The following NEGR1 variants were observed in gnomAD, a reference collection of about 807,000 sequenced individuals.
NEGR1 encodes the protein neuronal growth regulator 1, also known as IgLON family member 4.
Under a neutral mutation model 40.9 loss-of-function variants are expected in NEGR1, and 10 were observed. The ratio of observed to expected loss-of-function variants is 0.24; its 90% CI spans 0.15 to 0.42. The LOEUF (loss-of-function observed/expected upper bound fraction) is 0.42. NEGR1 is among the 10% of genes least tolerant of loss of function. The pLI is 1.00. For synonymous variants in NEGR1, 185 were observed against 166.8 expected, an observed-to-expected ratio of 1.11 and a Z score of -0.84; for missense variants, 352 against 438.9, an observed-to-expected ratio of 0.80 and a Z score of 1.77.
At chr1:72,174,092 A>T (rs187648135) in intron 1 of NEGR1, among the ~76,000 whole-genome samples, 27 of 151,840 alleles carry the variant, frequency 1.8e-4, no homozygotes, top group East Asian at 7.7e-4. Context: ...TGTTTTTTTT[A>T]AAAAAACTGT....
chr1:71,817,470 C>T (rs183257165), intron 2 of NEGR1, among the ~76,000 whole-genome samples: 5 of 152,152 alleles, frequency 3.3e-5, no homozygotes, highest in East Asian at 1.9e-4. Context: ...CTTTCATAGG[C>T]GCTATTCCCT....
chr1:72,148,670 A>G (rs1439408791), intron 1 of NEGR1, among the ~76,000 whole-genome samples: 2 of 152,180 alleles, frequency 1.3e-5, no homozygotes, highest in South Asian at 2.1e-4. Context: ...CTTCCGCCAG[A>G]TACCCTAAAT....
intron 3 of NEGR1, among the ~76,000 whole-genome samples, chr1:71,754,979 C>A (rs1655684838): frequency 6.6e-6 from 1 of 152,126 alleles, no homozygotes; most frequent in Non-Finnish European, 1.5e-5. Flanking sequence ...ATTCATGATT[C>A]CAAGTTTCAT....
chr1:71,979,068 G>A (rs1226500658), intron 1 of NEGR1, among the ~76,000 whole-genome samples: 2 of 152,120 alleles, frequency 1.3e-5, no homozygotes, highest in African/African-American at 4.8e-5. Context: ...GAACATGAAT[G>A]GAGCTGGAGG....
chr1:72,075,222 T>G (rs1647671680), intron 1 of NEGR1, among the ~76,000 whole-genome samples: 1 of 152,208 alleles, frequency 6.6e-6, no homozygotes, highest in African/African-American at 2.4e-5. Context: ...ATTAAAGTTT[T>G]GAAAATATAC....
chr1:71,601,711 A>G (rs1050709710), intron 5 of NEGR1, among the ~76,000 whole-genome samples: 2 of 152,220 alleles, frequency 1.3e-5, no homozygotes, highest in African/African-American at 4.8e-5. Context: ...TCAGAAACAG[A>G]AAATCGAATA....
intron 4 of NEGR1, among the ~76,000 whole-genome samples, chr1:71,671,893 C>CTTTTTTTTTTTT (rs10708807): frequency 1.6e-5 from 2 of 121,582 alleles, no homozygotes; most frequent in Non-Finnish European, 1.7e-5. Flanking sequence ...CTCTCTCTCT[C>CTTTTTTTTTTTT]TTTTTTTTTT....
At chr1:71,561,428 G>A (rs1010179365) in intron 6 of NEGR1, among the ~76,000 whole-genome samples, 1 of 151,346 alleles carries the variant, frequency 6.6e-6, no homozygotes, top group Admixed American at 6.6e-5. Flanking sequence ...ATTTTTTTTG[G>A]CACTCACTAG....
At chr1:72,107,324 A>G (rs1649175501) in intron 1 of NEGR1, among the ~76,000 whole-genome samples, 1 of 151,754 alleles carries the variant, frequency 6.6e-6, no homozygotes, top group African/African-American at 2.4e-5. Context: ...CTACTGGAGT[A>G]TAAGGTCTTA....
rs890508230 is a variant in NEGR1, at chr1:71,479,839, C to T, written c.941-72269G>A. On this transcript the variant is annotated intron_variant, in intron 6 of 6. Coordinates refer to ENST00000357731, the MANE Select transcript of NEGR1 (RefSeq NM_173808.3). ...ATATTGTTATCGATTTTGTTATCTA[C>T]TGTGGTGTTGTTGCTTATTAAAGTT... Among the ~76,000 whole-genome samples, 3 of 151,896 alleles carry T rather than the reference C, an allele frequency of 2.0e-5. 1 individual carries two copies. Among genetic ancestry groups the T allele is most frequent in the East Asian group, 3.9e-4 (2 of 5,168 alleles).
At chr1:71,748,560 CAT>C (rs2101684625) in intron 3 of NEGR1, among the ~76,000 whole-genome samples, 1 of 152,116 alleles carries the variant, frequency 6.6e-6, no homozygotes, top group East Asian at 1.9e-4. Context: ...CTGAAGAAAA[CAT>C]ATAAAAAGTT....
chr1:72,030,316 C>T (rs990610780), intron 1 of NEGR1, among the ~76,000 whole-genome samples: 2 of 151,926 alleles, frequency 1.3e-5, no homozygotes, highest in Admixed American at 6.6e-5. Flanking sequence ...AAATGATTCT[C>T]GTGCCTCAGC....
chr1:71,543,366 G>A (rs1329461079), intron 6 of NEGR1, among the ~76,000 whole-genome samples: 3 of 151,558 alleles, frequency 2.0e-5, no homozygotes, highest in South Asian at 4.1e-4. Flanking sequence ...GTTCTATTAC[G>A]AAGTGCCAAT....
chr1:71,674,007 T>C (rs1652525630), intron 4 of NEGR1, among the ~76,000 whole-genome samples: 1 of 152,156 alleles, frequency 6.6e-6, no homozygotes, highest in Non-Finnish European at 1.5e-5. Context: ...AGAATACAAC[T>C]GTTGGTATTT....
At chr1:71,463,427 AAC>A (rs1646726538) in intron 6 of NEGR1, 1 of 152,094 alleles carries the variant, frequency 6.6e-6, no homozygotes, top group Admixed American at 6.6e-5. Flanking sequence ...GTCACGTTTG[AAC>A]AGATACCTTT....
intron 1 of NEGR1, among the ~76,000 whole-genome samples, chr1:72,038,103 G>A (rs570201881): frequency 6.6e-6 from 1 of 152,040 alleles, no homozygotes; most frequent in African/African-American, 2.4e-5. Flanking sequence ...AGGCTTAAAA[G>A]GTTTAAAGCC....
At chr1:71,609,588 TA>T (rs1252193022) in intron 5 of NEGR1, among the ~76,000 whole-genome samples, 1 of 142,554 alleles carries the variant, frequency 7.0e-6, no homozygotes, top group Non-Finnish European at 1.5e-5. Context: ...TATTATCCCT[TA>T]TTATTAAGGT....
chr1:71,626,368 G>A (rs1450478581), intron 4 of NEGR1, among the ~76,000 whole-genome samples: 1 of 64,442 alleles, frequency 1.6e-5, no homozygotes, highest in Non-Finnish European at 3.0e-5. Flanking sequence ...CCCCTCCCCC[G>A]ACCCCACAAC....
intron 2 of NEGR1, among the ~76,000 whole-genome samples, chr1:71,806,697 C>T (rs973266844): frequency 6.6e-6 from 1 of 151,934 alleles, no homozygotes; most frequent in South Asian, 2.1e-4. Flanking sequence ...CCCTATAAGG[C>T]AATAATCTTA....
Sources: allele counts gnomAD v4.1 joint callset (sites outside exome capture counted in the v4.1 genomes callset), GRCh38; gene constraint gnomAD v4.1.1; transcripts MANE v1.5; gene names NCBI Gene and HGNC (gene_info 2026-07-23, HGNC 2026-07-21).